SAMD9L: variants seen among roughly 807,000 people sequenced by gnomAD.
The protein encoded by SAMD9L is sterile alpha motif domain containing 9 like, also known as sterile alpha motif domain-containing protein 9-like.
A neutral mutation model predicts 90.7 loss-of-function variants in SAMD9L; 68 were observed. The ratio of observed to expected loss-of-function variants is 0.75; its 90% confidence interval spans 0.62 to 0.92. The LOEUF (loss-of-function observed/expected upper bound fraction) is 0.92, where lower values mean the gene tolerates loss of function less well. SAMD9L is among the 40% of genes least tolerant of loss of function. The pLI is 0.00. For missense variants in SAMD9L, 1,604 were observed against 1,824.3 expected, an observed-to-expected ratio of 0.88 and a Z score of 2.20; for synonymous variants, 640 against 630.1, an observed-to-expected ratio of 1.02 and a Z score of -0.23.
At position 93,135,090 on chromosome 7, in the gene SAMD9L, C is replaced by G; in HGVS notation, c.882G>C (p.Leu294=). The change falls in exon 5 of 5, where the codon CTG becomes CTC. Residue 294 remains leucine (L), a synonymous_variant. Transcript: ENST00000318238. The stretch of plus-strand genomic sequence containing the variant: ...ATCTGTCAGATGGTGTATTGTTCTG[C>G]AGAAGGACTTCCACAAACCTTGGCT... ...IREPRFVEVL[L]QNNTPSDRFV... 1 of 1,612,888 alleles carries G rather than the reference C, an allele frequency of 6.2e-7. No homozygotes were observed. The highest frequency in any genetic ancestry group is 8.5e-7 in the Non-Finnish European group (1 of 1,179,910).
intron 4 of SAMD9L, among the ~76,000 whole-genome samples, chr7:93,136,312 TTAAG>T (rs1215960220): frequency 6.6e-6 from 1 of 152,182 alleles, no homozygotes; most frequent in Non-Finnish European, 1.5e-5. Context: ...AAGCAGAATC[TTAAG>T]TAACATAGAA....
rs1218655554 is a variant in SAMD9L at position 93,132,497 on chromosome 7, C to G, written c.3475G>C (p.Ala1159Pro). ...TGGGATTCTTTGAAAGCTCTTGAGG[C>G]TTTTTCCGCAGCTTCTAGGAGATGT... ...LTHLLEAAEK[A>P]SRAFKESQRQ... The change falls in exon 5 of 5, where the codon GCC becomes CCC. Residue 1159 changes from alanine (A) to proline (P), a missense_variant. Transcript: ENST00000318238. 1 of 1,613,810 alleles carries G rather than the reference C, an allele frequency of 6.2e-7. No individual in the cohort carries two copies. The highest frequency in any genetic ancestry group is 8.5e-7 in the Non-Finnish European group (1 of 1,179,806).
In SAMD9L at chr7:93,130,660, A is replaced by AGT. The variant is rs71830352; in HGVS notation, c.*555_*556dup. The AGT allele has an allele frequency of 0.083, 11,358 of 136,310 alleles. 285 individuals carry two copies. The highest frequency in any genetic ancestry group is 0.1 in the Non-Finnish European group (6,437 of 62,428). The allele number at this position is 136,310 out of a possible 1,614,324, so 8.4% of individuals were successfully genotyped here. ...TGGGAGAAGGGCAAGGGGTACAAGG[A>AGT]GTGTGTGTGTGTGTGTGTGTGTGTG... On this transcript the variant is annotated 3_prime_UTR_variant, in exon 5 of 5. Transcript: ENST00000318238.
Position 93,133,811 on chromosome 7 carries a change from A to G in SAMD9L, c.2161T>C (p.Leu721=). ...KRDSYEKLKD[L]IHCWAESPKP... ...GGAGACTCTGCCCAGCAGTGTATTA[A>G]ATCTTTAAGCTTTTCATAACTGTCC... is the stretch of plus-strand genomic sequence containing the variant. Residue 721 remains leucine (L), a synonymous_variant, in exon 5 of 5, where the codon TTA becomes CTA. Transcript: ENST00000318238. 6.2e-7 allele frequency: 1 copy of G among 1,613,646 alleles called. No homozygotes were observed. The highest frequency in any genetic ancestry group is 8.5e-7 in the Non-Finnish European group (1 of 1,179,816).
chr7:93,131,832 T>C lies in SAMD9L; in HGVS notation c.4140A>G (p.Lys1380=), dbSNP rs549842146. 3 of 1,612,692 alleles carry C rather than the reference T, an allele frequency of 1.9e-6. No individual in the cohort carries two copies. The highest frequency in any genetic ancestry group is 2.5e-6 in the Non-Finnish European group (3 of 1,179,834). The change falls in exon 5 of 5, where the codon AAA becomes AAG. Residue 1380 remains lysine, a synonymous_variant. Coordinates refer to ENST00000318238, the MANE Select transcript of SAMD9L (RefSeq NM_152703.5). ...QNSKKPMTNE[K]QNSILANIIL... ...TAATGTTGGCCAAAATGGAATTTTG[T>C]TTCTCATTTGTCATGGGCTTTTTTG...
In SAMD9L at chr7:93,134,478, G is replaced by A. The variant is rs1334836482; in HGVS notation, c.1494C>T (p.Cys498=). The A allele has an allele frequency of 6.2e-7, 1 of 1,613,946 alleles. No homozygotes were observed. Among genetic ancestry groups the A allele is most frequent in the South Asian group, 1.1e-5 (1 of 91,082 alleles). The part of the protein sequence containing the change: ...NLYQQPSWIF[C]NGRSDLKSET... ...CGCTTTTCAGGTCTGATCTGCCGTT[G>A]CAGAAAATCCAGCTGGGCTGTTGGT... Residue 498 remains cysteine (C), a synonymous_variant, in exon 5 of 5, where the codon TGC becomes TGT. Coordinates refer to ENST00000318238, the MANE Select transcript of SAMD9L (RefSeq NM_152703.5).
chr7:93,135,502 T>C lies in SAMD9L; in HGVS notation c.470A>G (p.Lys157Arg). 1 of 1,614,152 alleles carries C rather than the reference T, an allele frequency of 6.2e-7. No individual in the cohort carries two copies. Among genetic ancestry groups the C allele is most frequent in the Non-Finnish European group, 8.5e-7 (1 of 1,179,996 alleles). Residue 157 changes from lysine (K) to arginine (R), a missense_variant, in exon 5 of 5, where the codon AAA (lysine) becomes AGA (arginine). Physicochemically the swap from Lys to Arg is conservative, Grantham distance 26 (BLOSUM62 2). Around this residue, in one of 7 missense-constraint regions of SAMD9L, gnomAD observed 374 missense variants for 363.6 expected, o/e 1.03. Transcript: ENST00000318238. ...NAKHKKKGKLKPEQLTCMPYP... is the reference protein window; with the variant it reads ...NAKHKKKGKLRPEQLTCMPYP... Reference sequence around the variant, plus strand: ...TGGCATACAAGTCAATTGTTCAGGTTTTAGCTTACCCTTTTTCTTGTGTTT... The same window carrying C: ...TGGCATACAAGTCAATTGTTCAGGTCTTAGCTTACCCTTTTTCTTGTGTTT...
intron 4 of SAMD9L, among the ~76,000 whole-genome samples, chr7:93,139,075 TAATATATTTTGTATTA>T (rs972805837): frequency 6.6e-6 from 1 of 152,192 alleles, no homozygotes; most frequent in Admixed American, 6.5e-5. Context: ...TTAGACATTT[TAATATATTTTGTATTA>T]AATACATTTT....
intron 4 of SAMD9L, among the ~76,000 whole-genome samples, chr7:93,143,098 GCTTT>G (rs1158213562): frequency 6.6e-6 from 1 of 152,180 alleles, no homozygotes; most frequent in Non-Finnish European, 1.5e-5. Flanking sequence ...CAGCATGACA[GCTTT>G]CCCTCACTTT....
chr7:93,132,283 T>G lies in SAMD9L; in HGVS notation c.3689A>C (p.Gln1230Pro). ...AATGGTCCACTTTCCTGATAAAAAT[T>G]GCACCATATGTTTTTTGGATAATTC... ...ENELSKKHMV[Q>P]FLSGKWTIPP... Residue 1230 changes from glutamine to proline, a missense_variant, in exon 5 of 5, where the codon CAA becomes CCA. Gln to Pro is a moderately conservative substitution (Grantham distance 76, BLOSUM62 -1). This residue lies in a region of SAMD9L where 302 missense variants were observed against 314.7 expected (regional missense o/e 0.96). Transcript: ENST00000318238. 6.2e-7 allele frequency: 1 copy of G among 1,613,794 alleles called. No homozygotes were observed. Among genetic ancestry groups the G allele is most frequent in the Non-Finnish European group, 8.5e-7 (1 of 1,179,850 alleles).
chr7:93,131,984 T>G lies in SAMD9L; in HGVS notation c.3988A>C (p.Lys1330Gln). The part of the protein sequence containing the change: ...SQLLQEENCR[K>Q]KLEALRADRF... ...TCTGCTCTCAGAGCTTCTAGCTTTT[T>G]CCTGCAATTCTCCTCCTGGAGTAAT... The change falls in exon 5 of 5, where the codon AAA becomes CAA. Residue 1330 changes from lysine (K) to glutamine (Q), a missense_variant. Coordinates refer to ENST00000318238, the MANE Select transcript of SAMD9L (RefSeq NM_152703.5). The G allele has an allele frequency of 6.2e-7, 1 of 1,611,828 alleles. No homozygotes were observed. The highest frequency in any genetic ancestry group is 8.5e-7 in the Non-Finnish European group (1 of 1,179,384).
At chr7:93,141,026 A>G (rs1395094629) in intron 4 of SAMD9L, among the ~76,000 whole-genome samples, 4 of 152,202 alleles carry the variant, frequency 2.6e-5, no homozygotes, top group African/African-American at 7.2e-5. Context: ...AGGCACTCCA[A>G]TCAGGCTTTG....
chr7:93,142,655 T>G (rs1000818734), intron 4 of SAMD9L, among the ~76,000 whole-genome samples: 2 of 152,132 alleles, frequency 1.3e-5, no homozygotes, highest in African/African-American at 4.8e-5. Context: ...TCAGATAGGG[T>G]TTTCCCTGGA....
intron 1 of SAMD9L, 95 bp from the exon 2 acceptor site, chr7:93,147,241 C>G (rs1241825218): frequency 1.3e-5 from 2 of 152,194 alleles, no homozygotes; most frequent in Non-Finnish European, 2.9e-5. Flanking sequence ...AACTAAGTAA[C>G]AATCAAAATG....
Position 93,132,090 on chromosome 7 carries a change from C to A in SAMD9L, c.3882G>T (p.Lys1294Asn). 6.2e-7 allele frequency: 1 copy of A among 1,613,708 alleles called. No homozygotes were observed. Among genetic ancestry groups the A allele is most frequent in the Non-Finnish European group, 8.5e-7 (1 of 1,179,850 alleles). ...QKEIAEIMLSKKVSRCFRKYT... is the reference protein window; with the variant it reads ...QKEIAEIMLSNKVSRCFRKYT... ...ATTTCCTGAAACAACGACTGACTTT[C>A]TTGCTTAACATGATTTCTGCAATTT... Residue 1294 changes from lysine to asparagine, a missense_variant, in exon 5 of 5, where the codon AAG becomes AAT. Physicochemically the swap from Lys to Asn is moderately conservative, Grantham distance 94 (BLOSUM62 0). Transcript: ENST00000318238.
chr7:93,134,076 T>A lies in SAMD9L; in HGVS notation c.1896A>T (p.Arg632Ser). Reference protein sequence around the residue: ...LKLKSVTRSSRRFLPARGSSS... With the variant: ...LKLKSVTRSSSRFLPARGSSS... Reference sequence around the variant, plus strand: ...AAGATCCACGGGCGGGCAAAAACCTTCTTGATGACCGAGTCACCGATTTTA... The same window carrying A: ...AAGATCCACGGGCGGGCAAAAACCTACTTGATGACCGAGTCACCGATTTTA... Residue 632 changes from arginine (R) to serine (S), a missense_variant, in exon 5 of 5, where the codon AGA (arginine) becomes AGT (serine). Transcript: ENST00000318238. 2 of 1,613,952 alleles carry A rather than the reference T, an allele frequency of 1.2e-6. No individual in the cohort carries two copies. Among genetic ancestry groups the A allele is most frequent in the Non-Finnish European group, 1.7e-6 (2 of 1,179,882 alleles).
chr7:93,131,798 A>G lies in SAMD9L; in HGVS notation c.4174T>C (p.Cys1392Arg), dbSNP rs1288867046. Residue 1392 changes from cysteine to arginine, a missense_variant, in exon 5 of 5, where the codon TGT becomes CGT. By Grantham distance (180) the Cys-to-Arg change is radical (BLOSUM62 -3). Transcript: ENST00000318238. ...ATTAACTTGGAGTTGGGCTTTAGAC[A>G]ACTCAGAATAATGTTGGCCAAAATG... ...NSILANIILS[C>R]LKPNSKLIQP... 1 of 1,613,368 alleles carries G rather than the reference A, an allele frequency of 6.2e-7. No individual in the cohort carries two copies. Among genetic ancestry groups the G allele is most frequent in the Non-Finnish European group, 8.5e-7 (1 of 1,179,862 alleles).
rs1443666070 is a variant in SAMD9L, at chr7:93,133,359, G to A, written c.2613C>T (p.Ala871=). ...LSSKEQRAFG[A]KLKEIEKQHK... The stretch of plus-strand genomic sequence containing the variant: ...GCTGCTTTTCAATTTCCTTCAGTTT[G>A]GCACCAAAAGCTCTTTGTTCCTTGG... Residue 871 remains alanine, a synonymous_variant, in exon 5 of 5, where the codon GCC becomes GCT. Coordinates refer to ENST00000318238, the MANE Select transcript of SAMD9L (RefSeq NM_152703.5). The A allele has an allele frequency of 2.5e-6, 4 of 1,613,236 alleles. No individual in the cohort carries two copies. The highest frequency in any genetic ancestry group is 3.4e-6 in the Non-Finnish European group (4 of 1,179,580).
rs1401889488 is a variant in SAMD9L, at chr7:93,131,061, AT to A, written c.*155del. ...AGCTCTGCGGGTAGGCATATTTCATATCTTAAAAAGGCTTGTAATTCATTCA... is the reference window on the plus strand; with the variant it reads ...AGCTCTGCGGGTAGGCATATTTCATACTTAAAAAGGCTTGTAATTCATTCA... On this transcript the variant is annotated 3_prime_UTR_variant, in exon 5 of 5. Coordinates refer to ENST00000318238, the MANE Select transcript of SAMD9L (RefSeq NM_152703.5). 3.8e-6 allele frequency: 2 copies of A among 519,486 alleles called. No homozygotes were observed. The highest frequency in any genetic ancestry group is 6.7e-6 in the Non-Finnish European group (2 of 299,384). 32.2% of individuals were successfully genotyped at this position (519,486 alleles called of 1,614,324 possible).
Sources: gnomAD v4.1 joint callset for allele counts (sites outside exome capture counted in the v4.1 genomes callset) on GRCh38, gnomAD v4.1.1 for gene constraint, gnomAD v4.1.1 regional missense constraint, MANE v1.5 for transcripts, NCBI Gene and HGNC (gene_info 2026-07-23, HGNC 2026-07-21) for gene names.